RAB11FIP2: variants seen among roughly 807,000 people sequenced by gnomAD.
The protein encoded by RAB11FIP2 is rab11 family-interacting protein 2.
In RAB11FIP2, 16 loss-of-function variants were observed where a neutral mutation model predicts 40.9. That is an observed-to-expected ratio of 0.39 (90% CI 0.26 to 0.59). The LOEUF is 0.59. Among genes scored for constraint, RAB11FIP2 ranks in the 20% least tolerant of loss-of-function variants. The pLI, the probability that RAB11FIP2 is intolerant of heterozygous loss-of-function variation, is 0.53. For missense variants in RAB11FIP2, 532 were observed against 606.2 expected, an observed-to-expected ratio of 0.88 and a Z score of 1.28; for synonymous variants, 228 against 213.7, an observed-to-expected ratio of 1.07 and a Z score of -0.58.
chr10:118,016,477 T>C (rs879144169), intron 3 of RAB11FIP2, among the ~76,000 whole-genome samples: 2 of 152,144 alleles, frequency 1.3e-5, no homozygotes, highest in Non-Finnish European at 2.9e-5. Context: ...CATTCTCACA[T>C]AGTCCACCTT....
chr10:118,033,052 C>T (rs1173406032), intron 3 of RAB11FIP2, among the ~76,000 whole-genome samples: 1 of 151,742 alleles, frequency 6.6e-6, no homozygotes, highest in Non-Finnish European at 1.5e-5. Context: ...ATGAATTAAA[C>T]TTTATCATAG....
At chr10:118,028,873 C>T (rs1029786329) in intron 3 of RAB11FIP2, among the ~76,000 whole-genome samples, 3 of 152,028 alleles carry the variant, frequency 2.0e-5, no homozygotes, top group African/African-American at 7.2e-5. Context: ...AACTTCCACT[C>T]TTGTGTTCAA....
At chr10:118,014,991 A>G (rs1846198926) in intron 4 of RAB11FIP2, 74 bp downstream of exon 4, 3 of 1,326,186 alleles carry the variant, frequency 2.3e-6, no homozygotes, top group Non-Finnish European at 2.1e-6. Flanking sequence ...AGACAAAGGC[A>G]TTTTTAGAAA....
intron 1 of RAB11FIP2, among the ~76,000 whole-genome samples, chr10:118,041,776 T>C (rs1039179153): frequency 6.6e-6 from 1 of 152,142 alleles, no homozygotes; most frequent in African/African-American, 2.4e-5. Flanking sequence ...GCTACATCTT[T>C]GCACGTAACA....
intron 3 of RAB11FIP2, among the ~76,000 whole-genome samples, chr10:118,025,608 T>A (rs1046592365): frequency 6.6e-6 from 1 of 152,242 alleles, no homozygotes; most frequent in Admixed American, 6.5e-5. Flanking sequence ...CAGTCATATA[T>A]GGAAAACTCT....
intron 3 of RAB11FIP2, chr10:118,018,298 T>C (rs1242594656): frequency 6.6e-6 from 1 of 152,250 alleles, no homozygotes; most frequent in Non-Finnish European, 1.5e-5. Context: ...TCTCTATTTA[T>C]TGAAGTGTGG....
intron 4 of RAB11FIP2, among the ~76,000 whole-genome samples, chr10:118,010,156 T>G (rs10430689): frequency 6.6e-6 from 1 of 151,936 alleles, no homozygotes; most frequent in East Asian, 1.9e-4. Flanking sequence ...CATAATCTTT[T>G]ATTTATAGTG....
At chr10:118,015,214 C>T in intron 3 of RAB11FIP2, 104 bp from the exon 4 acceptor site, 2 of 847,430 alleles carry the variant, frequency 2.4e-6, no homozygotes, top group East Asian at 2.9e-5. Flanking sequence ...TTCTAAAGCC[C>T]TACATTATTC....
intron 3 of RAB11FIP2, among the ~76,000 whole-genome samples, chr10:118,038,502 T>C (rs1456940882): frequency 6.6e-6 from 1 of 152,142 alleles, no homozygotes; most frequent in Non-Finnish European, 1.5e-5. Flanking sequence ...TAAATAGCCA[T>C]TTAATAAGGA....
At chr10:118,019,090 G>C (rs1846254220) in intron 3 of RAB11FIP2, among the ~76,000 whole-genome samples, 1 of 151,700 alleles carries the variant, frequency 6.6e-6, no homozygotes, top group Non-Finnish European at 1.5e-5. Context: ...ATAAGACAAT[G>C]TAAACCATAA....
At position 118,009,181 on chromosome 10, in the gene RAB11FIP2, G is replaced by C. The variant is rs1031516904; in HGVS notation, c.1356C>G (p.Thr452=). 16 of 1,613,478 alleles carry C rather than the reference G, an allele frequency of 9.9e-6. No homozygotes were observed. The highest frequency in any genetic ancestry group is 1.4e-5 in the Non-Finnish European group (16 of 1,179,548). The part of the protein sequence containing the change: ...FDATAGYRSL[T]YEEVLQELVK... ...CCAGCTCCTGTAGAACCTCTTCATA[G>C]GTCAGACTACGATACCCTGCAGTGG... The change falls in exon 5 of 5, where the codon ACC becomes ACG. Residue 452 remains threonine, a synonymous_variant. Coordinates refer to ENST00000355624, the MANE Select transcript of RAB11FIP2 (RefSeq NM_014904.3).
intron 4 of RAB11FIP2, among the ~76,000 whole-genome samples, chr10:118,013,615 C>T (rs780828493): frequency 7.9e-5 from 12 of 152,064 alleles, no homozygotes; most frequent in Non-Finnish European, 1.5e-4. Context: ...TACGAAGATG[C>T]GCTTCCTCCT....
At chr10:118,032,889 A>G (rs1055849897) in intron 3 of RAB11FIP2, among the ~76,000 whole-genome samples, 5 of 152,024 alleles carry the variant, frequency 3.3e-5, no homozygotes, top group African/African-American at 1.2e-4. Flanking sequence ...CATCTCGGCT[A>G]TCAGGTCGCC....
intron 3 of RAB11FIP2, among the ~76,000 whole-genome samples, chr10:118,019,430 T>A (rs1846257722): frequency 3.3e-5 from 5 of 152,200 alleles, no homozygotes; most frequent in Admixed American, 3.3e-4. Flanking sequence ...TTATTGTGTA[T>A]GGCAAATAAG....
In RAB11FIP2 at chr10:118,039,241, C is replaced by A; in HGVS notation, c.996G>T (p.Trp332Cys). ...TTGAAAATAAATTCATGCTGCTGTCCCATGTTTCGCTGCTTTCTTCAAATG... is the reference window on the plus strand; with the variant it reads ...TTGAAAATAAATTCATGCTGCTGTCACATGTTTCGCTGCTTTCTTCAAATG... ...KNPFEESSETWDSSMNLFSKP... is the reference protein window; with the variant it reads ...KNPFEESSETCDSSMNLFSKP... Residue 332 changes from tryptophan to cysteine, a missense_variant, in exon 3 of 5, where the codon TGG becomes TGT. Physicochemically the swap from Trp to Cys is radical, Grantham distance 215. Transcript: ENST00000355624. The A allele has an allele frequency of 6.2e-7, 1 of 1,613,588 alleles. No individual in the cohort carries two copies. Among genetic ancestry groups the A allele is most frequent in the Non-Finnish European group, 8.5e-7 (1 of 1,179,730 alleles).
rs866786300 is a variant in RAB11FIP2 at position 118,008,684 on chromosome 10, C to T, written c.*314G>A. Reference sequence around the variant, plus strand: ...AAATCTATTCCTGAGGAACAACTCACGTACTTCTGAAGATATTTCTGGGCC... The same window carrying T: ...AAATCTATTCCTGAGGAACAACTCATGTACTTCTGAAGATATTTCTGGGCC... On this transcript the variant is annotated 3_prime_UTR_variant, in exon 5 of 5. Coordinates refer to ENST00000355624, the MANE Select transcript of RAB11FIP2 (RefSeq NM_014904.3). 2.4e-5 allele frequency: 6 copies of T among 250,210 alleles called. No individual in the cohort carries two copies. The highest frequency in any genetic ancestry group is 7.2e-5 in the South Asian group (1 of 13,808). The allele number at this position is 250,210 out of a possible 1,614,324, so 15.5% of individuals were successfully genotyped here.
intron 3 of RAB11FIP2, among the ~76,000 whole-genome samples, chr10:118,023,443 T>C (rs942665400): frequency 6.6e-6 from 1 of 152,150 alleles, no homozygotes; most frequent in African/African-American, 2.4e-5. Flanking sequence ...ATCAAATTAA[T>C]GATATTACAG....
In RAB11FIP2 at chr10:118,007,131, T is replaced by C. The variant is rs952438131; in HGVS notation, c.*1867A>G. The C allele has an allele frequency of 6.6e-6, 1 of 151,822 alleles. No homozygotes were observed. Among genetic ancestry groups the C allele is most frequent in the Non-Finnish European group, 1.5e-5 (1 of 67,792 alleles). 9.4% of individuals were successfully genotyped at this position (151,822 alleles called of 1,614,324 possible). On this transcript the variant is annotated 3_prime_UTR_variant, in exon 5 of 5. Coordinates refer to ENST00000355624, the MANE Select transcript of RAB11FIP2 (RefSeq NM_014904.3). ...AGACAAAAACAAATGCTGAGAATTT[T>C]GTAACATTTAGTTAATTAAAAGTGG...
chr10:118,033,831 G>A, intron 3 of RAB11FIP2: 1 of 604,676 alleles, frequency 1.7e-6, no homozygotes, highest in South Asian at 1.8e-5. Flanking sequence ...TCCTCAGTAG[G>A]ATAAATAATG....
Sources: allele counts gnomAD v4.1 joint callset (sites outside exome capture counted in the v4.1 genomes callset), GRCh38; gene constraint gnomAD v4.1.1; transcripts MANE v1.5; gene names NCBI Gene and HGNC (gene_info 2026-07-23, HGNC 2026-07-21).